The following PPIA variants were observed in gnomAD, a reference collection of about 807,000 sequenced individuals.
PPIA encodes peptidylprolyl isomerase A.
A neutral mutation model predicts 15.3 loss-of-function variants in PPIA; 2 were observed. That is an observed-to-expected ratio of 0.13 (90% CI 0.05 to 0.41). PPIA has a LOEUF of 0.41. Ranked by LOEUF, PPIA falls within the 10% of genes least tolerant of loss-of-function variation. The probability of loss-of-function intolerance (pLI) is 0.99; values close to 1 mark genes in which losing one functional copy is unlikely to be tolerated. For synonymous variants in PPIA, 67 were observed against 73.1 expected (o/e 0.92, Z 0.43); for missense variants, 103 against 210.3 (o/e 0.49, Z 3.16).
At chr7:44,798,866 T>G in intron 1 of PPIA, 1 of 1,020,632 alleles carries the variant, frequency 9.8e-7, no homozygotes, top group Non-Finnish European at 1.2e-6. Flanking sequence ...TTACCCCTGA[T>G]CGTGCAGCAG....
At chr7:44,800,014 A>G (rs993779942) in intron 4 of PPIA, 140 bp downstream of exon 4, 1 of 875,504 alleles carries the variant, frequency 1.1e-6, no homozygotes, top group Non-Finnish European at 1.7e-6. Flanking sequence ...GAGCATACAT[A>G]AACGACAAAT....
chr7:44,801,784 T>C lies in PPIA; in HGVS notation c.*362T>C, dbSNP rs111735829. The C allele has an allele frequency of 1.2e-3, 242 of 205,642 alleles. 1 individual carries two copies. Among genetic ancestry groups the C allele is most frequent in the Middle Eastern group, 6.2e-3 (3 of 482 alleles). The allele number at this position is 205,642 out of a possible 1,614,324, so 12.7% of individuals were successfully genotyped here. A position where few individuals can be genotyped will look rare whatever the true frequency, so the allele number is the denominator to read the frequency against. Reference sequence around the variant, plus strand: ...GTGTCAATGTTTGTTGAGTGGAATATTGAAAATGTAGGCAGCAACTGGGCA... The same window carrying C: ...GTGTCAATGTTTGTTGAGTGGAATACTGAAAATGTAGGCAGCAACTGGGCA... On this transcript the variant is annotated 3_prime_UTR_variant, in exon 5 of 5. Transcript: ENST00000468812.
intron 4 of PPIA, chr7:44,800,570 T>C (rs1257801636): frequency 1.9e-5 from 3 of 153,912 alleles, no homozygotes; most frequent in African/African-American, 7.3e-5. Context: ...CCAGCTAAAT[T>C]GTGTATTATT....
At chr7:44,799,052 T>C in intron 1 of PPIA, 195 bp from the exon 2 acceptor site, 1 of 1,111,448 alleles carries the variant, frequency 9.0e-7, no homozygotes, top group Non-Finnish European at 1.2e-6. Flanking sequence ...TTTTGGCATG[T>C]CTTTGGGTTT....
rs1792583723 is a variant in PPIA, at chr7:44,802,048, A to C, written c.*626A>C. 1 of 152,656 alleles carries C rather than the reference A, an allele frequency of 6.6e-6. No individual in the cohort carries two copies. 9.5% of individuals were successfully genotyped at this position (152,656 alleles called of 1,614,324 possible). A position where few individuals can be genotyped will look rare whatever the true frequency, so the allele number is the denominator to read the frequency against. On this transcript the variant is annotated 3_prime_UTR_variant, in exon 5 of 5. Coordinates refer to ENST00000468812, the MANE Select transcript of PPIA (RefSeq NM_021130.5). The stretch of plus-strand genomic sequence containing the variant: ...GGGTGTTCACAGATCTTGTGTCTCA[A>C]AGGTAGGCAGAGGCAGGAAAAGCAA...
At chr7:44,800,848 C>T (rs1403582555) in intron 4 of PPIA, among the ~76,000 whole-genome samples, 1 of 151,914 alleles carries the variant, frequency 6.6e-6, no homozygotes, top group African/African-American at 2.4e-5. Context: ...GATGGAGTTT[C>T]GCTCTGTCGC....
At chr7:44,798,541 A>C in intron 1 of PPIA, 2 of 171,392 alleles carry the variant, frequency 1.2e-5, no homozygotes, top group Non-Finnish European at 2.3e-5. Context: ...CTATAAGAGA[A>C]GTGCACACGG....
intron 4 of PPIA, chr7:44,800,512 TGCCTCA>T: frequency 6.5e-6 from 1 of 154,464 alleles, no homozygotes; most frequent in Admixed American, 6.4e-5. Flanking sequence ...GCAATTCTTC[TGCCTCA>T]GCCTCTCAAG....
rs889186398 is a variant in PPIA, at chr7:44,802,514, T to A, written c.*1092T>A. Reference sequence around the variant, plus strand: ...TTCTTGAGGGAAGCATATTGGGCTTTAGGCTGTAGGTCAAGTTTATACATC... The same window carrying A: ...TTCTTGAGGGAAGCATATTGGGCTTAAGGCTGTAGGTCAAGTTTATACATC... On this transcript the variant is annotated 3_prime_UTR_variant, in exon 5 of 5. Transcript: ENST00000468812. 2 of 152,162 alleles carry A rather than the reference T, an allele frequency of 1.3e-5. No homozygotes were observed. Among genetic ancestry groups the A allele is most frequent in the African/African-American group, 2.4e-5 (1 of 41,438 alleles). 9.4% of individuals were successfully genotyped at this position (152,162 alleles called of 1,614,324 possible). A position where few individuals can be genotyped will look rare whatever the true frequency, so the allele number is the denominator to read the frequency against.
chr7:44,800,397 G>GTT (rs139479853), intron 4 of PPIA: 31,042 of 90,670 alleles, frequency 0.34, 5,715 homozygotes, highest in East Asian at 0.74. Context: ...CCAATTAAGT[G>GTT]CTTTTTTTTT....
rs17860068 is a variant in PPIA, at chr7:44,800,183, G to T, written c.362+309G>T. 1.1e-3 allele frequency among the ~76,000 whole-genome samples: 164 copies of T among 152,036 alleles called. 3 individuals are homozygous for T. The highest frequency in any genetic ancestry group is 3.8e-3 in the African/African-American group (159 of 41,458). ...GGCTCACTGCAACCTCTGCCTCCTG[G>T]GTTCAAGCGATTCTCCTGCCTTGGC... On this transcript the variant is annotated intron_variant, in intron 4 of 4. Coordinates refer to ENST00000468812, the MANE Select transcript of PPIA (RefSeq NM_021130.5).
Position 44,799,178 on chromosome 7 carries a change from G to A in PPIA, c.70-69G>A, listed in dbSNP as rs562247060. 8 of 1,470,242 alleles carry A rather than the reference G, an allele frequency of 5.4e-6. No individual in the cohort carries two copies. The African/African-American group carries it at 1.1e-4, about 21-fold the overall frequency. 91.1% of individuals were successfully genotyped at this position (1,470,242 alleles called of 1,614,324 possible). A position where few individuals can be genotyped will look rare whatever the true frequency, so the allele number is the denominator to read the frequency against. ...GAGAAAATGAATTTATGACTCAGAA[G>A]CCCCTAAAGACATGGGTACTAAGCA... On this transcript the variant is annotated intron_variant, in intron 1 of 4. Coordinates refer to ENST00000468812, the MANE Select transcript of PPIA (RefSeq NM_021130.5).
At chr7:44,797,903 C>T (rs1195384805) in intron 1 of PPIA, 1 of 152,140 alleles carries the variant, frequency 6.6e-6, no homozygotes, top group African/African-American at 2.4e-5. Flanking sequence ...GAGGACAGAG[C>T]GATTTCCTTG....
intron 1 of PPIA, among the ~76,000 whole-genome samples, 198 bp downstream of exon 1, chr7:44,796,991 A>G (rs1239814776): frequency 6.6e-6 from 1 of 152,034 alleles, no homozygotes; most frequent in Non-Finnish European, 1.5e-5. Context: ...ACGGCGGCGG[A>G]CAAAGGCAGG....
Position 44,799,397 on chromosome 7 carries a change from T to G in PPIA, c.106T>G (p.Phe36Val). 1 of 1,612,386 alleles carries G rather than the reference T, an allele frequency of 6.2e-7. No homozygotes were observed. The highest frequency in any genetic ancestry group is 8.5e-7 in the Non-Finnish European group (1 of 1,179,740). Residue 36 changes from phenylalanine to valine, a missense_variant, in exon 3 of 5, where the codon TTT becomes GTT. Physicochemically the swap from Phe to Val is conservative, Grantham distance 50 (BLOSUM62 -1). Transcript: ENST00000468812. ...TTTAATTTTTTTTTAAACAGAAAATTTTCGTGCTCTGAGCACTGGAGAGAA... is the reference window on the plus strand; with the variant it reads ...TTTAATTTTTTTTTAAACAGAAAATGTTCGTGCTCTGAGCACTGGAGAGAA... Reference protein sequence around the residue: ...ADKVPKTAENFRALSTGEKGF... With the variant: ...ADKVPKTAENVRALSTGEKGF...
chr7:44,796,977 C>T (rs896788514), intron 1 of PPIA, among the ~76,000 whole-genome samples, 184 bp downstream of exon 1: 14 of 152,074 alleles, frequency 9.2e-5, no homozygotes, highest in Non-Finnish European at 1.8e-4. Context: ...GGGAGGAGGC[C>T]GGGACGGCGG....
chr7:44,799,366 T>C, intron 2 of PPIA, 26 bp from the exon 3 acceptor site: 1 of 1,606,672 alleles, frequency 6.2e-7, no homozygotes, highest in South Asian at 1.1e-5. Flanking sequence ...TGTATGTATA[T>C]ATGTGTTTAA....
intron 4 of PPIA, among the ~76,000 whole-genome samples, chr7:44,800,169 A>G (rs1037428790): frequency 9.2e-5 from 14 of 152,220 alleles, no homozygotes; most frequent in African/African-American, 3.1e-4. Flanking sequence ...GCTCACTGCA[A>G]CCTCTGCCTC....
In PPIA at chr7:44,801,543, G is replaced by T. The variant is rs17860085; in HGVS notation, c.*121G>T. 723 of 627,928 alleles carry T rather than the reference G, an allele frequency of 1.2e-3. 3 individuals are homozygous for T. The African/African-American group carries it at 0.012, about 10-fold the overall frequency. 38.9% of individuals were successfully genotyped at this position (627,928 alleles called of 1,614,324 possible). A position where few individuals can be genotyped will look rare whatever the true frequency, so the allele number is the denominator to read the frequency against. ...TTGTGCTCTCGCTGCAGTTCCCTTT[G>T]GGTTCCATGTTTTCCTTGTTCCCTC... On this transcript the variant is annotated 3_prime_UTR_variant, in exon 5 of 5. Transcript: ENST00000468812.
Sources: allele counts gnomAD v4.1 joint callset (sites outside exome capture counted in the v4.1 genomes callset), GRCh38; gene constraint gnomAD v4.1.1; transcripts MANE v1.5; gene names NCBI Gene and HGNC (gene_info 2026-07-23, HGNC 2026-07-21).